Variants in ASAH2B observed in about 807,000 individuals in gnomAD.
The protein encoded by ASAH2B is putative inactive neutral ceramidase B.
Under a neutral mutation model 2.9 loss-of-function variants are expected in ASAH2B, and 1 was observed. The observed-to-expected ratio is 0.34, with a 90% confidence interval of 0.12 to 1.63. The LOEUF (loss-of-function observed/expected upper bound fraction) is 1.63. ASAH2B is among the 40% of genes most tolerant of loss of function. The probability of loss-of-function intolerance (pLI) is 0.36; values close to 1 mark genes in which losing one functional copy is unlikely to be tolerated. For missense variants in ASAH2B, 9 were observed against 37.7 expected, an observed-to-expected ratio of 0.24 and a Z score of 1.99; for synonymous variants, 4 against 13.3, an observed-to-expected ratio of 0.30 and a Z score of 1.52.
In ASAH2B at chr10:50,742,023, G is replaced by A. The variant is rs563516389; in HGVS notation, c.-99-892G>A. On this transcript the variant is annotated intron_variant, in intron 1 of 5. Coordinates refer to ENST00000647317, the MANE Select transcript of ASAH2B (RefSeq NM_001321958.2). The stretch of plus-strand genomic sequence containing the variant: ...ATCAAAAAACTACTTATCAGGTACT[G>A]TGCTTATTACCTGGATGATGAAATA... 1.2e-4 allele frequency among the ~76,000 whole-genome samples: 19 copies of A among 152,266 alleles called. No individual in the cohort carries two copies. The East Asian group carries it at 3.3e-3, about 26-fold the overall frequency.
intron 3 of ASAH2B, among the ~76,000 whole-genome samples, chr10:50,748,500 C>G (rs1234231636): frequency 1.3e-5 from 2 of 149,316 alleles, no homozygotes; most frequent in African/African-American, 5.1e-5. Flanking sequence ...GGAACAGAAT[C>G]TTGTCACAAC....
intron 2 of ASAH2B, among the ~76,000 whole-genome samples, chr10:50,743,274 A>C (rs1839860725): frequency 6.6e-6 from 1 of 151,864 alleles, no homozygotes; most frequent in African/African-American, 2.4e-5. Flanking sequence ...TTTTACAACC[A>C]TCATGTGAAA....
intron 4 of ASAH2B, among the ~76,000 whole-genome samples, chr10:50,751,499 A>G (rs1160046095): frequency 6.6e-6 from 1 of 150,426 alleles, no homozygotes; most frequent in Non-Finnish European, 1.5e-5. Context: ...TTCTCCATCT[A>G]AGGCCTTCCC....
At chr10:50,744,091 G>GTATT (rs780097923) in intron 2 of ASAH2B, among the ~76,000 whole-genome samples, 14 of 150,950 alleles carry the variant, frequency 9.3e-5, no homozygotes, top group South Asian at 2.1e-4. Flanking sequence ...ATAACTGTTT[G>GTATT]TATTTATTTA....
At chr10:50,743,049 T>A in intron 2 of ASAH2B, 39 bp downstream of exon 2, 1 of 1,593,862 alleles carries the variant, frequency 6.3e-7, no homozygotes, top group Non-Finnish European at 8.6e-7. Context: ...CGTGCGTGTG[T>A]GTGTGTGTGT....
At chr10:50,753,312 A>G (rs1037600710) in intron 5 of ASAH2B, among the ~76,000 whole-genome samples, 1 of 93,572 alleles carries the variant, frequency 1.1e-5, no homozygotes, top group African/African-American at 3.5e-5. Flanking sequence ...AGTATGGTTC[A>G]GATGGTTAAT....
intron 3 of ASAH2B, among the ~76,000 whole-genome samples, chr10:50,745,982 TA>T (rs1476646626): frequency 6.6e-6 from 1 of 151,552 alleles, no homozygotes; most frequent in Non-Finnish European, 1.5e-5. Flanking sequence ...ACATACTTAT[TA>T]TTTTTTGTTG....
intron 2 of ASAH2B, 124 bp downstream of exon 2, chr10:50,743,134 C>A: frequency 1.0e-6 from 1 of 970,036 alleles, no homozygotes; most frequent in Non-Finnish European, 1.6e-6. Flanking sequence ...AGTTTGACAA[C>A]CTTTATATTT....
At chr10:50,748,601 G>A (rs578086885) in intron 3 of ASAH2B, among the ~76,000 whole-genome samples, 2 of 151,316 alleles carry the variant, frequency 1.3e-5, no homozygotes, top group East Asian at 3.9e-4. Flanking sequence ...CAAACTTGAG[G>A]GGAGCTTTCT....
intron 1 of ASAH2B, among the ~76,000 whole-genome samples, chr10:50,740,577 T>C (rs1839815271): frequency 6.6e-6 from 1 of 152,250 alleles, no homozygotes; most frequent in Admixed American, 6.5e-5. Flanking sequence ...GGTACTAGTT[T>C]GGATTTCCTC....
rs894426539 is a variant in ASAH2B at position 50,758,849 on chromosome 10, C to A, written c.*4109C>A. ...AACAGGTAATTACTGTACAGAGTGA[C>A]CCATATTGTTATTGTTCAGGGAATT... is the stretch of plus-strand genomic sequence containing the variant. On this transcript the variant is annotated 3_prime_UTR_variant, in exon 6 of 6. Coordinates refer to ENST00000647317, the MANE Select transcript of ASAH2B (RefSeq NM_001321958.2). 3 of 151,966 alleles carry A rather than the reference C, an allele frequency of 2.0e-5. No individual in the cohort carries two copies. Among genetic ancestry groups the A allele is most frequent in the African/African-American group, 7.2e-5 (3 of 41,408 alleles). The allele number at this position is 151,966 out of a possible 1,614,324, so 9.4% of individuals were successfully genotyped here.
In ASAH2B at chr10:50,757,306, A is replaced by G. The variant is rs1392112554; in HGVS notation, c.*2566A>G. The G allele has an allele frequency of 1.3e-5, 2 of 151,754 alleles. No individual in the cohort carries two copies. The highest frequency in any genetic ancestry group is 2.4e-5 in the African/African-American group (1 of 41,382). 9.4% of individuals were successfully genotyped at this position (151,754 alleles called of 1,614,324 possible). A position where few individuals can be genotyped will look rare whatever the true frequency, so the allele number is the denominator to read the frequency against. On this transcript the variant is annotated 3_prime_UTR_variant, in exon 6 of 6. Transcript: ENST00000647317. ...GGAAAGTGATACAAATGACTTGTAA[A>G]TAACCACTGAAGCACAAGGGAACCA... is the stretch of plus-strand genomic sequence containing the variant.
intron 2 of ASAH2B, 73 bp from the exon 3 acceptor site, chr10:50,745,055 C>G (rs2132721930): frequency 3.7e-6 from 1 of 270,454 alleles, no homozygotes; most frequent in East Asian, 2.4e-4. Context: ...GCAGGCATTT[C>G]TGGGTCTGGA....
In ASAH2B at chr10:50,755,866, A is replaced by G. The variant is rs1837076803; in HGVS notation, c.*1126A>G. The G allele has an allele frequency of 6.6e-6, 1 of 151,794 alleles. No individual in the cohort carries two copies. Among genetic ancestry groups the G allele is most frequent in the African/African-American group, 2.4e-5 (1 of 41,412 alleles). 9.4% of individuals were successfully genotyped at this position (151,794 alleles called of 1,614,324 possible). On this transcript the variant is annotated 3_prime_UTR_variant, in exon 6 of 6. Transcript: ENST00000647317. ...ATATGTAAATTCTGGGGAGGCATTT[A>G]AAAAATCAGTAATCTTCAAGTTATA...
At chr10:50,749,931 CA>C (rs1197224059) in intron 4 of ASAH2B, among the ~76,000 whole-genome samples, 1 of 117,362 alleles carries the variant, frequency 8.5e-6, no homozygotes, top group African/African-American at 3.7e-5. Context: ...TAGGAGGTTA[CA>C]CCATCTAAGT....
At chr10:50,745,851 T>G (rs982809294) in intron 3 of ASAH2B, among the ~76,000 whole-genome samples, 2 of 150,624 alleles carry the variant, frequency 1.3e-5, no homozygotes, top group African/African-American at 4.9e-5. Flanking sequence ...TTAAAAATTT[T>G]TATTTAATTT....
At chr10:50,748,760 G>A (rs1208045424) in intron 3 of ASAH2B, among the ~76,000 whole-genome samples, 1 of 150,518 alleles carries the variant, frequency 6.6e-6, no homozygotes, top group African/African-American at 2.5e-5. Context: ...TTCTGCCGTG[G>A]CCCGTAAACT....
chr10:50,742,020 A>G (rs971910846), intron 1 of ASAH2B, among the ~76,000 whole-genome samples: 5 of 152,220 alleles, frequency 3.3e-5, no homozygotes, highest in African/African-American at 1.2e-4. Flanking sequence ...CTTATCAGGT[A>G]CTGTGCTTAT....
chr10:50,754,233 T>G (rs1268847328), intron 5 of ASAH2B, among the ~76,000 whole-genome samples: 1 of 147,818 alleles, frequency 6.8e-6, no homozygotes, highest in South Asian at 2.1e-4. Context: ...GCTAAAAGAG[T>G]GCTTTGCAAT....
Sources: allele counts gnomAD v4.1 joint callset (sites outside exome capture counted in the v4.1 genomes callset), GRCh38; gene constraint gnomAD v4.1.1; transcripts MANE v1.5; gene names NCBI Gene and HGNC (gene_info 2026-07-23, HGNC 2026-07-21).